The following CDKL4 variants were observed in gnomAD, a reference collection of about 807,000 sequenced individuals.
The protein encoded by CDKL4 is cyclin-dependent kinase-like 4.
In CDKL4, 44 loss-of-function variants were observed where a neutral mutation model predicts 42.0. That is an observed-to-expected ratio of 1.05 (90% CI 0.82 to 1.35). The LOEUF (loss-of-function observed/expected upper bound fraction) is 1.35. Ranked by LOEUF, CDKL4 falls within the 40% of genes most tolerant of loss-of-function variation. CDKL4 has a pLI of 0.00. For missense variants in CDKL4, 393 were observed against 369.9 expected (o/e 1.06, Z -0.51); for synonymous variants, 120 against 121.6 (o/e 0.99, Z 0.09).
chr2:39,169,038 A>C, the CDKL4 span, among the ~76,000 whole-genome samples: 1 of 152,132 alleles, frequency 6.6e-6, no homozygotes, highest in African/African-American at 2.4e-5. Flanking sequence ...TACAGGCGTG[A>C]GCCACTGTGC....
chr2:39,177,768 C>T (rs1184101857), intron 9 of CDKL4, among the ~76,000 whole-genome samples: 1 of 151,148 alleles, frequency 6.6e-6, no homozygotes, highest in Admixed American at 6.6e-5. Flanking sequence ...CAGCTCACTG[C>T]AACTCTGCCT....
intron 4 of CDKL4, among the ~76,000 whole-genome samples, chr2:39,210,181 G>A (rs1677507853): frequency 6.6e-6 from 1 of 152,084 alleles, no homozygotes; most frequent in Non-Finnish European, 1.5e-5. Context: ...AGTAGAGACA[G>A]GGTTTCACCA....
intron 5 of CDKL4, among the ~76,000 whole-genome samples, chr2:39,196,679 C>T (rs975501549): frequency 2.0e-5 from 3 of 152,122 alleles, no homozygotes; most frequent in Non-Finnish European, 2.9e-5. Context: ...GTGATCTTGG[C>T]TCACTGCAAC....
exon 6 of CDKL4, chr2:39,190,390 A>C: frequency 6.2e-7 from 1 of 1,614,154 alleles, no homozygotes; most frequent in Non-Finnish European, 8.5e-7. Flanking sequence ...CTGCAAAAAC[A>C]CAACCAATAG....
intron 4 of CDKL4, among the ~76,000 whole-genome samples, chr2:39,210,083 G>T (rs1677500824): frequency 6.6e-6 from 1 of 152,132 alleles, no homozygotes; most frequent in Admixed American, 6.6e-5. Flanking sequence ...TGCCTCTCGA[G>T]TTCAAGTGAT....
chr2:39,241,299 T>A (rs549469284), intron 1 of CDKL4, among the ~76,000 whole-genome samples: 2 of 152,246 alleles, frequency 1.3e-5, no homozygotes, highest in Admixed American at 6.5e-5. Context: ...ATAAACAACA[T>A]AAAAATTGAG....
Position 39,201,241 on chromosome 2 carries a change from C to T in CDKL4, c.454+3286G>A, listed in dbSNP as rs532317442. ...TCAACATCACTAATTATCAGGGAAA[C>T]GCAAATCAAAACCATAATGTGATAC... On this transcript the variant is annotated intron_variant, in intron 5 of 9. Coordinates refer to ENST00000451199, the Ensembl canonical transcript of CDKL4. Among the ~76,000 whole-genome samples the T allele has an allele frequency of 4.5e-3, 679 of 150,418 alleles. 8 individuals are homozygous for T. The highest frequency in any genetic ancestry group is 0.016 in the African/African-American group (661 of 40,888).
upstream of CDKL4, among the ~76,000 whole-genome samples, chr2:39,244,255 G>A (rs982140626): frequency 6.6e-6 from 1 of 152,264 alleles, no homozygotes; most frequent in Admixed American, 6.5e-5. Flanking sequence ...CACTCCCTCA[G>A]CTTGCAGGGA....
intron 9 of CDKL4, among the ~76,000 whole-genome samples, chr2:39,176,537 G>C (rs1257341564): frequency 6.6e-6 from 1 of 152,152 alleles, no homozygotes; most frequent in Non-Finnish European, 1.5e-5. Flanking sequence ...AGATTCAAGC[G>C]ATTCTTGTGC....
exon 3 of CDKL4, chr2:39,225,897 A>T: frequency 1.2e-6 from 2 of 1,611,978 alleles, no homozygotes; most frequent in Non-Finnish European, 1.7e-6. Context: ...TCAAAAACTA[A>T]ATGCATTTTC....
At chr2:39,225,839 C>T (rs2148383858) in exon 3 of CDKL4, 5 of 1,595,626 alleles carry the variant, frequency 3.1e-6, no homozygotes, top group Non-Finnish European at 4.3e-6. Flanking sequence ...GATTACTTAC[C>T]CATTTGGGTT....
intron 5 of CDKL4, among the ~76,000 whole-genome samples, chr2:39,201,762 C>A (rs1676865756): frequency 6.6e-6 from 1 of 152,074 alleles, no homozygotes; most frequent in Non-Finnish European, 1.5e-5. Flanking sequence ...CATCTATGTT[C>A]CAATAAGTGG....
At chr2:39,169,132 C>T in the CDKL4 span, among the ~76,000 whole-genome samples, 2 of 152,230 alleles carry the variant, frequency 1.3e-5, no homozygotes, top group African/African-American at 2.4e-5. Flanking sequence ...ACTCAAACTA[C>T]TAAAAGTGTT....
intron 7 of CDKL4, among the ~76,000 whole-genome samples, chr2:39,187,180 C>T (rs1302309239): frequency 6.6e-6 from 1 of 152,102 alleles, no homozygotes; most frequent in East Asian, 1.9e-4. Context: ...TCTCCTGCCG[C>T]CTTGTGAAGA....
At chr2:39,187,982 C>T (rs193284766) in intron 6 of CDKL4, among the ~76,000 whole-genome samples, 7 of 152,048 alleles carry the variant, frequency 4.6e-5, no homozygotes, top group South Asian at 2.1e-4. Context: ...GCAGGAGAAT[C>T]GCTTGAACCT....
chr2:39,205,887 G>C (rs1182227579), intron 4 of CDKL4, among the ~76,000 whole-genome samples: 2 of 152,082 alleles, frequency 1.3e-5, no homozygotes, highest in African/African-American at 4.8e-5. Flanking sequence ...GCTTAGCAGA[G>C]ATTCCGAAGC....
At chr2:39,178,892 G>A in intron 9 of CDKL4, 1 of 1,462,700 alleles carries the variant, frequency 6.8e-7, no homozygotes, top group Non-Finnish European at 9.0e-7. Flanking sequence ...ATATGAAGTT[G>A]TTATATTATG....
intron 3 of CDKL4, among the ~76,000 whole-genome samples, chr2:39,225,044 T>C (rs1029522970): frequency 1.2e-4 from 19 of 152,334 alleles, no homozygotes; most frequent in African/African-American, 4.6e-4. Flanking sequence ...TGCATTATAG[T>C]GGTGACAGCT....
chr2:39,180,641 T>C (rs549108899), intron 8 of CDKL4, among the ~76,000 whole-genome samples: 4 of 151,006 alleles, frequency 2.6e-5, no homozygotes, highest in African/African-American at 9.7e-5. Context: ...AAAAACATTC[T>C]CCTCAAATCC....
Sources: gnomAD v4.1 joint callset for allele counts (sites outside exome capture counted in the v4.1 genomes callset) on GRCh38, gnomAD v4.1.1 for gene constraint, MANE v1.5 for transcripts, NCBI Gene and HGNC (gene_info 2026-07-23, HGNC 2026-07-21) for gene names.